The following PEBP4 variants were observed in gnomAD, a reference collection of about 807,000 sequenced individuals.
PEBP4 encodes phosphatidylethanolamine binding protein 4, also known as phosphatidylethanolamine-binding protein 4.
PEBP4 carries 22 observed loss-of-function variants against 23.9 expected under a neutral mutation model. That is an observed-to-expected ratio of 0.92 (90% CI 0.66 to 1.31). The LOEUF is 1.31. Ranked by LOEUF, PEBP4 falls within the 40% of genes most tolerant of loss-of-function variation. The probability of loss-of-function intolerance (pLI) is 0.00; values close to 1 mark genes in which losing one functional copy is unlikely to be tolerated. For synonymous variants in PEBP4, 112 were observed against 99.3 expected (o/e 1.13, Z -0.76); for missense variants, 324 against 281.7 (o/e 1.15, Z -1.07).
At chr8:22,780,464 G>C (rs1411107144) in intron 4 of PEBP4, among the ~76,000 whole-genome samples, 2 of 152,140 alleles carry the variant, frequency 1.3e-5, no homozygotes, top group Non-Finnish European at 2.9e-5. Flanking sequence ...ACACAGTAGA[G>C]AGAACCTCCC....
chr8:22,737,684 G>A (rs986527243), intron 4 of PEBP4, among the ~76,000 whole-genome samples: 1 of 152,128 alleles, frequency 6.6e-6, no homozygotes, highest in Admixed American at 6.5e-5. Flanking sequence ...TCTCCTGCAG[G>A]GCAGCCTGGG....
chr8:22,796,449 T>C (rs1314053940), intron 4 of PEBP4, among the ~76,000 whole-genome samples: 1 of 152,222 alleles, frequency 6.6e-6, no homozygotes, highest in African/African-American at 2.4e-5. Context: ...GAATTGTCTC[T>C]TACTACTATC....
intron 3 of PEBP4, among the ~76,000 whole-genome samples, chr8:22,855,034 ACACACACACATG>A (rs1196402205): frequency 9.8e-5 from 1 of 10,172 alleles, no homozygotes; most frequent in Non-Finnish European, 6.8e-4. Context: ...ACACACACAC[ACACACACACATG>A]CACCCCAGGA....
chr8:22,884,224 T>C (rs889048500), intron 3 of PEBP4: 22 of 152,080 alleles, frequency 1.4e-4, no homozygotes, highest in Admixed American at 9.2e-4. Context: ...GAAGATGAAA[T>C]GCACCTGGTT....
intron 3 of PEBP4, among the ~76,000 whole-genome samples, chr8:22,851,249 C>T (rs1023000286): frequency 2.6e-5 from 4 of 152,144 alleles, no homozygotes; most frequent in Non-Finnish European, 4.4e-5. Flanking sequence ...AAGACGGATG[C>T]GAAAGACCCG....
intron 4 of PEBP4, among the ~76,000 whole-genome samples, chr8:22,815,666 G>T (rs143728737): frequency 6.6e-6 from 1 of 152,220 alleles, no homozygotes; most frequent in Non-Finnish European, 1.5e-5. Context: ...CGGGAAGGCC[G>T]AGGGCCGCAC....
chr8:22,939,293 CAAAGAAAAACTGAGAGAAGATTTTGCCCT>C (rs1809579066), intron 1 of PEBP4, among the ~76,000 whole-genome samples: 1 of 151,752 alleles, frequency 6.6e-6, no homozygotes, highest in African/African-American at 2.4e-5. Context: ...GATATGAAGA[CAAAGAAAAACTGAGAGAAGATTTTGCCCT>C]TACACCTGCC....
intron 3 of PEBP4, among the ~76,000 whole-genome samples, chr8:22,847,625 A>G (rs563064634): frequency 6.6e-6 from 1 of 152,270 alleles, no homozygotes; most frequent in Non-Finnish European, 1.5e-5. Flanking sequence ...TTCATGAGGC[A>G]AGAGAGAGTC....
intron 1 of PEBP4, among the ~76,000 whole-genome samples, chr8:22,938,318 A>G (rs1285896100): frequency 6.6e-6 from 1 of 152,014 alleles, no homozygotes; most frequent in Non-Finnish European, 1.5e-5. Context: ...CTTTTTGCAC[A>G]AACCATTCTG....
At chr8:22,793,228 T>C (rs10113109) in intron 4 of PEBP4, among the ~76,000 whole-genome samples, 57,337 of 151,732 alleles carry the variant, frequency 0.38, 10,919 homozygotes, top group Middle Eastern at 0.45. Flanking sequence ...TTTACTCATA[T>C]CCTTATATAT....
chr8:22,932,999 C>T (rs1205117779), intron 1 of PEBP4, among the ~76,000 whole-genome samples: 9 of 99,938 alleles, frequency 9.0e-5, no homozygotes, highest in South Asian at 6.8e-4. Flanking sequence ...AGCAAGACTC[C>T]GTCTCCAAAA....
Position 22,924,831 on chromosome 8 carries a change from G to T in PEBP4, c.131+2753C>A, listed in dbSNP as rs545463803. The T allele has an allele frequency of 1.0e-5, 10 of 985,330 alleles. 1 individual carries two copies. The South Asian group carries it at 4.2e-4, about 42-fold the overall frequency. 61.0% of individuals were successfully genotyped at this position (985,330 alleles called of 1,614,324 possible). A position where few individuals can be genotyped will look rare whatever the true frequency, so the allele number is the denominator to read the frequency against. On this transcript the variant is annotated intron_variant, in intron 2 of 6. Coordinates refer to ENST00000256404, the MANE Select transcript of PEBP4 (RefSeq NM_144962.3). ...CGGTGGTTTTGCTGGTCTTGTCTGG[G>T]GTATCTCAGAAGCAGGGAAGGTCTG...
chr8:22,741,926 G>T (rs1045867433), intron 4 of PEBP4, among the ~76,000 whole-genome samples: 3 of 152,190 alleles, frequency 2.0e-5, no homozygotes, highest in African/African-American at 7.2e-5. Context: ...TGGGAGGAAA[G>T]GGGACAGGGT....
chr8:22,862,954 C>T (rs1457842927), intron 3 of PEBP4, among the ~76,000 whole-genome samples: 1 of 152,060 alleles, frequency 6.6e-6, no homozygotes, highest in Non-Finnish European at 1.5e-5. Flanking sequence ...GCGCCCGCCC[C>T]CACGCCTGGA....
chr8:22,788,055 A>G (rs1806063378), intron 4 of PEBP4, among the ~76,000 whole-genome samples: 7 of 151,994 alleles, frequency 4.6e-5, no homozygotes, highest in Admixed American at 4.6e-4. Flanking sequence ...GGCTTCAGGG[A>G]TGCACGGGCT....
At chr8:22,754,908 A>AT (rs1805345152) in intron 4 of PEBP4, 2 of 152,236 alleles carry the variant, frequency 1.3e-5, no homozygotes, top group Admixed American at 1.3e-4. Flanking sequence ...CATCTATAGA[A>AT]TGGGAGGGCT....
intron 3 of PEBP4, among the ~76,000 whole-genome samples, chr8:22,856,539 A>C (rs546044184): frequency 7.5e-4 from 115 of 152,318 alleles, no homozygotes; most frequent in Admixed American, 1.5e-3. Flanking sequence ...CAACATGGCG[A>C]AACCCCGTCT....
At chr8:22,852,169 G>C (rs1171053341) in intron 3 of PEBP4, among the ~76,000 whole-genome samples, 1 of 152,170 alleles carries the variant, frequency 6.6e-6, no homozygotes. Flanking sequence ...CCATCACTGA[G>C]ATTTAATGGA....
At chr8:22,791,457 C>A (rs1426950904) in intron 4 of PEBP4, among the ~76,000 whole-genome samples, 3 of 152,154 alleles carry the variant, frequency 2.0e-5, no homozygotes, top group Non-Finnish European at 4.4e-5. Flanking sequence ...CATCCAAATT[C>A]TATTTTATTG....
Sources: allele counts gnomAD v4.1 joint callset (sites outside exome capture counted in the v4.1 genomes callset), GRCh38; gene constraint gnomAD v4.1.1; transcripts MANE v1.5; gene names NCBI Gene and HGNC (gene_info 2026-07-23, HGNC 2026-07-21).